Variants in LMNA observed in about 807,000 individuals in gnomAD.
LMNA encodes lamin A/C.
LMNA carries 20 observed loss-of-function variants against 70.4 expected under a neutral mutation model. That is an observed-to-expected ratio of 0.28 (90% CI 0.20 to 0.41). The LOEUF (loss-of-function observed/expected upper bound fraction) is 0.41. Ranked by LOEUF, LMNA falls within the 10% of genes least tolerant of loss-of-function variation. The pLI, the probability that LMNA is intolerant of heterozygous loss-of-function variation, is 1.00. For synonymous variants in LMNA, 339 were observed against 372.8 expected (o/e 0.91, Z 1.04); for missense variants, 652 against 917.2 (o/e 0.71, Z 3.73).
At chr1:156,086,180 T>A (rs1168494479) in intron 2 of LMNA, among the ~76,000 whole-genome samples, 7 of 152,268 alleles carry the variant, frequency 4.6e-5, no homozygotes, top group Non-Finnish European at 8.8e-5. Flanking sequence ...GTGGTCTTCA[T>A]GAATTTTCAT....
intron 3 of LMNA, among the ~76,000 whole-genome samples, chr1:156,102,768 G>A (rs536680046): frequency 6.6e-6 from 1 of 152,326 alleles, no homozygotes; most frequent in Admixed American, 6.5e-5. Flanking sequence ...GGGCCATGGG[G>A]AGGGGGCAGT....
At chr1:156,084,341 G>GGGGGGGGGGGT (rs1648401818) in intron 2 of LMNA, among the ~76,000 whole-genome samples, 1 of 127,236 alleles carries the variant, frequency 7.9e-6, no homozygotes, top group Non-Finnish European at 1.7e-5. Context: ...GGGGTGGTGG[G>GGGGGGGGGGGT]GGCAGTTGGC....
In LMNA at chr1:156,132,477, CATAA is replaced by C. The variant is rs531799402; in HGVS notation, c.513+1714_513+1717del. 1.3e-3 allele frequency among the ~76,000 whole-genome samples: 199 copies of C among 152,096 alleles called. 1 individual carries two copies. The highest frequency in any genetic ancestry group is 4.5e-3 in the African/African-American group (188 of 41,498). On this transcript the variant is annotated intron_variant, in intron 2 of 11. Transcript: ENST00000368300. ...AGAGCGAGACTCCATCTCAAAAAAA[CATAA>C]ATAAATAAAAATAAAAATAAATAAT...
chr1:156,132,061 A>G (rs990540845), intron 2 of LMNA, among the ~76,000 whole-genome samples: 28 of 152,184 alleles, frequency 1.8e-4, no homozygotes, highest in African/African-American at 5.8e-4. Flanking sequence ...CCCAACAACT[A>G]CTTGTGAGGC....
chr1:156,135,053 TG>T lies in LMNA; in HGVS notation c.810+82del, dbSNP rs1172592777. 6.2e-7 allele frequency: 1 copy of T among 1,611,276 alleles called. No individual in the cohort carries two copies. The highest frequency in any genetic ancestry group is 1.7e-4 in the Middle Eastern group (1 of 6,012). On this transcript the variant is annotated intron_variant, in intron 4 of 11. Transcript: ENST00000368300. This position sits in a 1 kb window ranked among gnomAD's most constrained non-coding sequence, Gnocchi z 4.8. ...CTTACCCACGCTGGGCTATGCCTTC[TG>T]GGGATCAGGCAGATGGTGGCAGGGA... is the stretch of plus-strand genomic sequence containing the variant.
At chr1:156,124,273 C>G (rs1650392992) in intron 1 of LMNA, among the ~76,000 whole-genome samples, 2 of 151,748 alleles carry the variant, frequency 1.3e-5, no homozygotes, top group Non-Finnish European at 2.9e-5. Context: ...ACAGCTGCCC[C>G]CCTCAGTTCC....
intron 2 of LMNA, among the ~76,000 whole-genome samples, chr1:156,131,814 G>A (rs1651097850): frequency 6.6e-6 from 1 of 152,186 alleles, no homozygotes; most frequent in Non-Finnish European, 1.5e-5. Flanking sequence ...TGTTAATAAT[G>A]CTTTGTGTAT....
At chr1:156,111,497 T>G (rs1193280304), upstream of LMNA, among the ~76,000 whole-genome samples, 1 of 151,848 alleles carries the variant, frequency 6.6e-6, no homozygotes, top group Non-Finnish European at 1.5e-5. Context: ...ACCCAACCAC[T>G]GCATGCTGAT....
intron 2 of LMNA, 85 bp downstream of exon 2, chr1:156,130,858 G>A (rs1042301219): frequency 1.4e-5 from 19 of 1,356,800 alleles, no homozygotes; most frequent in East Asian, 1.0e-4. Context: ...CCCATGTGGT[G>A]CCTGGTCTGA....
intron 3 of LMNA, among the ~76,000 whole-genome samples, chr1:156,102,814 G>A (rs1420188917): frequency 6.6e-6 from 1 of 152,156 alleles, no homozygotes; most frequent in African/African-American, 2.4e-5. Context: ...CAAACTTTCC[G>A]ATGGGAGTTT....
chr1:156,104,336 A>G (rs1227977954), intron 3 of LMNA, among the ~76,000 whole-genome samples: 1 of 152,038 alleles, frequency 6.6e-6, no homozygotes, highest in Non-Finnish European at 1.5e-5. Context: ...TTGCTTAGCA[A>G]CTGTTGTCGT....
intron 2 of LMNA, among the ~76,000 whole-genome samples, chr1:156,131,337 C>T (rs939203403): frequency 2.0e-5 from 3 of 152,048 alleles, no homozygotes; most frequent in Non-Finnish European, 4.4e-5. Context: ...CCTGTAATCC[C>T]AGCATTTTGG....
In LMNA at chr1:156,136,751, G is replaced by A. The variant is rs1651673781; in HGVS notation, c.1381-170G>A. 1.4e-6 allele frequency: 1 copy of A among 714,350 alleles called. No homozygotes were observed. The highest frequency in any genetic ancestry group is 2.5e-6 in the Non-Finnish European group (1 of 397,478). The allele number at this position is 714,350 out of a possible 1,614,324, so 44.3% of individuals were successfully genotyped here. On this transcript the variant is annotated intron_variant, in intron 7 of 11. Transcript: ENST00000368300. The surrounding 1 kb of genome is among the most constrained non-coding windows in gnomAD (Gnocchi z 6.1). The stretch of plus-strand genomic sequence containing the variant: ...TCCGTGTGCCTGGTGCTGCGTATGT[G>A]TCCACAGATCATGGCTATTATCCCC...
chr1:156,137,294 G>A lies in LMNA; in HGVS notation c.1608+62G>A. Reference sequence around the variant, plus strand: ...GCTCCCCCTGATGGCCAACATCGGAGCCAGCTGCCCCCAACCCAAGTTTGC... The same window carrying A: ...GCTCCCCCTGATGGCCAACATCGGAACCAGCTGCCCCCAACCCAAGTTTGC... On this transcript the variant is annotated intron_variant, in intron 9 of 11. Transcript: ENST00000368300. This position sits in a 1 kb window ranked among gnomAD's most constrained non-coding sequence, Gnocchi z 4.6. 6 of 1,536,014 alleles carry A rather than the reference G, an allele frequency of 3.9e-6. No individual in the cohort carries two copies. The highest frequency in any genetic ancestry group is 4.4e-6 in the Non-Finnish European group (5 of 1,146,664).
chr1:156,100,437 G>T (rs1314540769), intron 3 of LMNA, among the ~76,000 whole-genome samples: 1 of 152,146 alleles, frequency 6.6e-6, no homozygotes, highest in African/African-American at 2.4e-5. Flanking sequence ...TTTAGCTCCT[G>T]CTGGTTATGA....
rs1651522104 is a variant in LMNA, at chr1:156,135,839, G to A, written c.937-62G>A. On this transcript the variant is annotated intron_variant, in intron 5 of 11. Coordinates refer to ENST00000368300, the MANE Select transcript of LMNA (RefSeq NM_170707.4). This position sits in a 1 kb window ranked among gnomAD's most constrained non-coding sequence, Gnocchi z 4.8. ...CCAGGTGTCTCCTACACCGACCCAC[G>A]TCCCTCCTTCCCCATACTTAGGGCC... is the stretch of plus-strand genomic sequence containing the variant. 4.8e-6 allele frequency: 7 copies of A among 1,445,520 alleles called. No homozygotes were observed. Among genetic ancestry groups the A allele is most frequent in the Admixed American group, 3.5e-5 (2 of 57,270 alleles). 89.5% of individuals were successfully genotyped at this position (1,445,520 alleles called of 1,614,324 possible). A position where few individuals can be genotyped will look rare whatever the true frequency, so the allele number is the denominator to read the frequency against.
intron 2 of LMNA, among the ~76,000 whole-genome samples, chr1:156,088,536 G>A (rs1345978026): frequency 1.3e-5 from 2 of 152,162 alleles, no homozygotes; most frequent in Non-Finnish European, 2.9e-5. Context: ...AGAGCACGGT[G>A]GCTCCTGCCT....
intron 2 of LMNA, among the ~76,000 whole-genome samples, chr1:156,089,628 C>A (rs1648617694): frequency 9.4e-6 from 1 of 105,992 alleles, no homozygotes; most frequent in Admixed American, 9.5e-5. Context: ...AAAGAAAGGT[C>A]TTTGGGACTC....
intron 1 of LMNA, among the ~76,000 whole-genome samples, chr1:156,119,972 T>A (rs1436249278): frequency 6.6e-6 from 1 of 152,176 alleles, no homozygotes; most frequent in Non-Finnish European, 1.5e-5. Flanking sequence ...TTCAGAGTTA[T>A]GGATTGGGCT....
Sources: gnomAD v4.1 joint callset for allele counts (sites outside exome capture counted in the v4.1 genomes callset) on GRCh38, gnomAD v4.1.1 for gene constraint, Gnocchi (gnomAD v3.1) non-coding constraint, MANE v1.5 for transcripts, NCBI Gene and HGNC (gene_info 2026-07-23, HGNC 2026-07-21) for gene names.